The following DIXDC1 variants were observed in gnomAD, a reference collection of about 807,000 sequenced individuals.
DIXDC1 encodes dixin.
Under a neutral mutation model 103.1 loss-of-function variants are expected in DIXDC1, and 64 were observed. The ratio of observed to expected loss-of-function variants is 0.62; its 90% CI spans 0.51 to 0.76. The LOEUF is 0.76. DIXDC1 is among the 30% of genes least tolerant of loss of function. The pLI is 0.00. For missense variants in DIXDC1, 759 were observed against 834.2 expected, an observed-to-expected ratio of 0.91 and a Z score of 1.11; for synonymous variants, 266 against 298.5, an observed-to-expected ratio of 0.89 and a Z score of 1.12.
In DIXDC1 at chr11:112,006,567, C is replaced by A. The variant is rs587617367; in HGVS notation, c.1757-10124C>A. ...CTTACATCTCATACAGGCAAGTGCC[C>A]CTCTGGGACAAAGCTTACAGAGGAA... On this transcript the variant is annotated intron_variant, in intron 17 of 19. Transcript: ENST00000440460. 2.6e-5 allele frequency among the ~76,000 whole-genome samples: 4 copies of A among 152,298 alleles called. No homozygotes were observed. The South Asian group carries it at 6.2e-4, about 24-fold the overall frequency.
intron 1 of DIXDC1, among the ~76,000 whole-genome samples, chr11:111,957,509 T>C (rs1473948958): frequency 1.3e-5 from 2 of 152,248 alleles, no homozygotes; most frequent in African/African-American, 2.4e-5. Flanking sequence ...ACGAGATGTA[T>C]TGGCATCATG....
Position 111,964,540 on chromosome 11 carries a change from A to T in DIXDC1, c.61-9A>T. ...TCTCTTTCCCTTACTTATATCTTTTATTTTCCAGCAACAGCTGCAGGCCTA... is the reference window on the plus strand; with the variant it reads ...TCTCTTTCCCTTACTTATATCTTTTTTTTTCCAGCAACAGCTGCAGGCCTA... On this transcript the variant is annotated splice_polypyrimidine_tract_variant and intron_variant, in intron 1 of 19. Transcript: ENST00000440460. The T allele has an allele frequency of 6.3e-7, 1 of 1,585,932 alleles. No individual in the cohort carries two copies. Among genetic ancestry groups the T allele is most frequent in the South Asian group, 1.1e-5 (1 of 87,436 alleles).
chr11:112,003,479 G>A (rs587646449), intron 17 of DIXDC1, among the ~76,000 whole-genome samples: 5 of 151,858 alleles, frequency 3.3e-5, no homozygotes, highest in African/African-American at 1.2e-4. Context: ...ATAGCTAGAA[G>A]AATTGGGATG....
intron 17 of DIXDC1, among the ~76,000 whole-genome samples, chr11:112,010,762 A>G (rs1861390736): frequency 6.6e-6 from 1 of 152,228 alleles, no homozygotes; most frequent in Non-Finnish European, 1.5e-5. Flanking sequence ...TAGAAAGTTG[A>G]AACTGGATCC....
At chr11:111,951,427 C>A (rs1337704467) in intron 1 of DIXDC1, among the ~76,000 whole-genome samples, 1 of 151,314 alleles carries the variant, frequency 6.6e-6, no homozygotes, top group Non-Finnish European at 1.5e-5. Context: ...CTATAAAAAT[C>A]AAAAATTAAA....
chr11:111,992,332 C>T, intron 10 of DIXDC1, 83 bp from the exon 11 acceptor site: 1 of 1,244,060 alleles, frequency 8.0e-7, no homozygotes, highest in Non-Finnish European at 1.1e-6. Context: ...GCTGGAAACA[C>T]ATTAAAGGCT....
At chr11:111,964,816 G>A (rs768259548) in intron 2 of DIXDC1, 138 bp downstream of exon 2, 403 of 1,091,264 alleles carry the variant, frequency 3.7e-4, no homozygotes, top group Non-Finnish European at 4.8e-4. Flanking sequence ...TAAAATACTT[G>A]CCCAAGGTTA....
intron 2 of DIXDC1, among the ~76,000 whole-genome samples, chr11:111,930,282 A>G (rs781195378): frequency 4.6e-5 from 7 of 152,164 alleles, no homozygotes; most frequent in Non-Finnish European, 8.8e-5. Context: ...CCAGAAGCAC[A>G]CTGTTAATAT....
intron 1 of DIXDC1, among the ~76,000 whole-genome samples, chr11:111,959,541 T>C (rs1859502853): frequency 6.6e-6 from 1 of 152,212 alleles, no homozygotes; most frequent in Admixed American, 6.5e-5. Flanking sequence ...CCACTCCACT[T>C]GCCCTTAGCA....
intron 1 of DIXDC1, among the ~76,000 whole-genome samples, chr11:111,938,100 G>A (rs1329670785): frequency 6.6e-6 from 1 of 152,198 alleles, no homozygotes; most frequent in Non-Finnish European, 1.5e-5. Context: ...GGTTGTCTGA[G>A]AGGAGCTACT....
At chr11:111,936,240 G>A (rs1437563876), upstream of DIXDC1, among the ~76,000 whole-genome samples, 1 of 152,234 alleles carries the variant, frequency 6.6e-6, no homozygotes, top group African/African-American at 2.4e-5. Context: ...GGGATCACGA[G>A]GTGGAATGTA....
Position 111,995,474 on chromosome 11 carries a change from G to C in DIXDC1, c.1599G>C (p.Gln533His), listed in dbSNP as rs782544713. 1 of 1,613,818 alleles carries C rather than the reference G, an allele frequency of 6.2e-7. No homozygotes were observed. Among genetic ancestry groups the C allele is most frequent in the Non-Finnish European group, 8.5e-7 (1 of 1,179,922 alleles). ...ACAGCTTCAGTGGCCACGATCCTCAGCACCACACTATTGACAGCTTGGAGC... is the reference window on the plus strand; with the variant it reads ...ACAGCTTCAGTGGCCACGATCCTCACCACCACACTATTGACAGCTTGGAGC... ...LRNSFSGHDP[Q>H]HHTIDSLEQG... The change falls in exon 16 of 20, where the codon CAG becomes CAC. Residue 533 changes from glutamine to histidine, a missense_variant. Physicochemically the swap from Gln to His is conservative, Grantham distance 24. Transcript: ENST00000440460.
upstream of DIXDC1, among the ~76,000 whole-genome samples, chr11:111,936,810 A>T (rs1240874841): frequency 6.6e-6 from 1 of 150,378 alleles, no homozygotes; most frequent in East Asian, 2.0e-4. Flanking sequence ...TTTCCCACCC[A>T]CCTTCTGGTG....
intron 7 of DIXDC1, among the ~76,000 whole-genome samples, chr11:111,983,479 T>C (rs1222185152): frequency 6.6e-6 from 1 of 152,212 alleles, no homozygotes; most frequent in Non-Finnish European, 1.5e-5. Context: ...TTGCTCTGTA[T>C]TTTTAAAATG....
intron 1 of DIXDC1, among the ~76,000 whole-genome samples, chr11:111,941,870 A>ACACACACC (rs1555168894): frequency 1.5e-4 from 23 of 151,734 alleles, no homozygotes; most frequent in Admixed American, 5.3e-4. Context: ...ACACACACAC[A>ACACACACC]CACCCACGAA....
At chr11:111,948,268 C>T (rs1189966074) in intron 1 of DIXDC1, among the ~76,000 whole-genome samples, 3 of 152,206 alleles carry the variant, frequency 2.0e-5, no homozygotes, top group African/African-American at 7.2e-5. Flanking sequence ...GCTCAAAACC[C>T]CAGTTTTCAC....
chr11:111,969,954 A>T lies in DIXDC1; in HGVS notation c.316+1316A>T, dbSNP rs1859860500. On this transcript the variant is annotated intron_variant, in intron 3 of 19. Coordinates refer to ENST00000440460, the MANE Select transcript of DIXDC1 (RefSeq NM_001037954.4). ...CTCTCTTCACTGATGATATGATTCT[A>T]TACCTAGAAAACCCCAAAAGCCTCT... is the stretch of plus-strand genomic sequence containing the variant. 3.3e-5 allele frequency among the ~76,000 whole-genome samples: 5 copies of T among 152,340 alleles called. No homozygotes were observed. In the South Asian group the frequency reaches 1.0e-3, roughly 32 times the overall value.
Position 111,988,078 on chromosome 11 carries a change from A to G in DIXDC1, c.1063-927A>G, listed in dbSNP as rs985374434. ...CCATGGCACGATCATGGCTAACTGCAGCTTCGACCCCCCAGTCTCAAGCGA... is the reference window on the plus strand; with the variant it reads ...CCATGGCACGATCATGGCTAACTGCGGCTTCGACCCCCCAGTCTCAAGCGA... On this transcript the variant is annotated intron_variant, in intron 9 of 19. Transcript: ENST00000440460. Among the ~76,000 whole-genome samples the G allele has an allele frequency of 2.0e-5, 3 of 151,964 alleles. No individual in the cohort carries two copies. The East Asian group carries it at 5.8e-4, about 29-fold the overall frequency.
At chr11:111,936,920 G>GGT (rs1235861702), upstream of DIXDC1, among the ~76,000 whole-genome samples, 1 of 151,146 alleles carries the variant, frequency 6.6e-6, no homozygotes, top group Non-Finnish European at 1.5e-5. Context: ...CTGCAAGCCT[G>GGT]GTGTGTGTGT....
Sources: gnomAD v4.1 joint callset for allele counts (sites outside exome capture counted in the v4.1 genomes callset) on GRCh38, gnomAD v4.1.1 for gene constraint, MANE v1.5 for transcripts, NCBI Gene and HGNC (gene_info 2026-07-23, HGNC 2026-07-21) for gene names.